Variants in NWD2 observed in about 807,000 individuals in gnomAD.
NWD2 encodes the protein NACHT and WD repeat domain-containing protein 2.
NWD2 carries 37 observed loss-of-function variants against 132.7 expected under a neutral mutation model. The ratio of observed to expected loss-of-function variants is 0.28; its 90% confidence interval spans 0.21 to 0.37. The LOEUF (loss-of-function observed/expected upper bound fraction) is 0.37, where lower values mean the gene tolerates loss of function less well. Ranked by LOEUF, NWD2 falls within the 10% of genes least tolerant of loss-of-function variation. The probability of loss-of-function intolerance (pLI) is 1.00; values close to 1 mark genes in which losing one functional copy is unlikely to be tolerated. For synonymous variants in NWD2, 705 were observed against 803.0 expected, an observed-to-expected ratio of 0.88 and a Z score of 2.06; for missense variants, 1,592 against 2,122.4, an observed-to-expected ratio of 0.75 and a Z score of 4.91.
intron 3 of NWD2, among the ~76,000 whole-genome samples, chr4:37,400,380 G>T (rs1449308341): frequency 6.6e-6 from 1 of 152,200 alleles, no homozygotes; most frequent in African/African-American, 2.4e-5. Context: ...CTGTTAACCA[G>T]CCTGCAGTGA....
intron 1 of NWD2, among the ~76,000 whole-genome samples, chr4:37,264,379 C>T (rs1717707096): frequency 6.6e-6 from 1 of 152,122 alleles, no homozygotes; most frequent in Admixed American, 6.6e-5. Flanking sequence ...CTACCTCCCT[C>T]CTGAAGTTGT....
At chr4:37,399,756 G>T (rs565926254) in intron 3 of NWD2, among the ~76,000 whole-genome samples, 9 of 152,304 alleles carry the variant, frequency 5.9e-5, no homozygotes, top group Admixed American at 3.3e-4. Flanking sequence ...ACTTGGGATT[G>T]TAATTTTATG....
At chr4:37,348,228 A>G (rs1318036150) in intron 2 of NWD2, among the ~76,000 whole-genome samples, 1 of 152,216 alleles carries the variant, frequency 6.6e-6, no homozygotes, top group Non-Finnish European at 1.5e-5. Context: ...CTAACTCTAA[A>G]CAAGCCTAGT....
Position 37,444,239 on chromosome 4 carries a change from G to T in NWD2, c.2251G>T (p.Asp751Tyr). Residue 751 changes from aspartate to tyrosine, a missense_variant, in exon 7 of 7, where the codon GAC becomes TAC. Asp to Tyr is a radical substitution (Grantham distance 160). Transcript: ENST00000309447. The surrounding 1 kb of genome is among the most constrained non-coding windows in gnomAD (Gnocchi z 4.8). ...GAAGCTATATCTGCAGGATGACAATGACCTGCGTGAAATGCACACCATCTT... is the reference window on the plus strand; with the variant it reads ...GAAGCTATATCTGCAGGATGACAATTACCTGCGTGAAATGCACACCATCTT... ...AQKLYLQDDN[D>Y]LREMHTILAD... 3 of 1,551,656 alleles carry T rather than the reference G, an allele frequency of 1.9e-6. No homozygotes were observed. Among genetic ancestry groups the T allele is most frequent in the South Asian group, 1.2e-5 (1 of 84,036 alleles).
chr4:37,428,933 T>C (rs1328436021), intron 3 of NWD2, among the ~76,000 whole-genome samples: 3 of 152,260 alleles, frequency 2.0e-5, no homozygotes, highest in Non-Finnish European at 2.9e-5. Flanking sequence ...GGTTTAACCA[T>C]GTTGGCCAGG....
intron 1 of NWD2, among the ~76,000 whole-genome samples, chr4:37,294,022 A>G (rs1281513110): frequency 6.6e-6 from 1 of 152,228 alleles, no homozygotes; most frequent in African/African-American, 2.4e-5. Context: ...GTAAGAAGAC[A>G]GACAAGAGGT....
chr4:37,261,100 C>A (rs9992443), intron 1 of NWD2, among the ~76,000 whole-genome samples: 1 of 152,164 alleles, frequency 6.6e-6, no homozygotes, highest in Admixed American at 6.5e-5. Flanking sequence ...TTAACACATG[C>A]TTGGCACAAT....
At chr4:37,438,248 G>A (rs1023877377) in intron 5 of NWD2, among the ~76,000 whole-genome samples, 5 of 149,674 alleles carry the variant, frequency 3.3e-5, no homozygotes, top group South Asian at 2.1e-4. Context: ...GCGACAGAGC[G>A]AGACTCCGTC....
At chr4:37,356,864 T>C (rs958957073) in intron 3 of NWD2, among the ~76,000 whole-genome samples, 7 of 152,224 alleles carry the variant, frequency 4.6e-5, no homozygotes, top group Admixed American at 2.0e-4. Context: ...CGCTAGAATT[T>C]CTGGCATTTT....
chr4:37,268,520 C>T (rs1164357908), intron 1 of NWD2, among the ~76,000 whole-genome samples: 1 of 151,888 alleles, frequency 6.6e-6, no homozygotes, highest in Non-Finnish European at 1.5e-5. Context: ...GCACCATGGA[C>T]AGTGCCTTGC....
intron 3 of NWD2, among the ~76,000 whole-genome samples, chr4:37,429,193 T>G (rs1353361346): frequency 6.6e-6 from 1 of 152,228 alleles, no homozygotes; most frequent in African/African-American, 2.4e-5. Context: ...AACCTTGCTT[T>G]GTATTTTTAT....
In NWD2 at chr4:37,371,608, C is replaced by A. The variant is rs116840488; in HGVS notation, c.357+15126C>A. Among the ~76,000 whole-genome samples, 1,421 of 152,296 alleles carry A rather than the reference C, an allele frequency of 9.3e-3. 11 individuals are homozygous for A. Among genetic ancestry groups the A allele is most frequent in the Non-Finnish European group, 0.015 (1,021 of 68,022 alleles). ...GAGGCAAGAGGCTTCCTTGTTCTTA[C>A]TTCATCATGTGTAATCAATAATTAT... On this transcript the variant is annotated intron_variant, in intron 3 of 6. Coordinates refer to ENST00000309447, the MANE Select transcript of NWD2 (RefSeq NM_001144990.2).
At chr4:37,328,632 T>C (rs1025297943) in intron 2 of NWD2, among the ~76,000 whole-genome samples, 3 of 151,512 alleles carry the variant, frequency 2.0e-5, no homozygotes, top group Admixed American at 6.6e-5. Context: ...GTTTTCTTTA[T>C]CCAGTCTGTC....
intron 3 of NWD2, among the ~76,000 whole-genome samples, chr4:37,376,625 C>G (rs888445549): frequency 6.6e-6 from 1 of 152,138 alleles, no homozygotes; most frequent in Non-Finnish European, 1.5e-5. Flanking sequence ...TCCTACAAAC[C>G]TTAATCTCAT....
At chr4:37,262,209 A>T (rs1653062734) in intron 1 of NWD2, among the ~76,000 whole-genome samples, 1 of 152,182 alleles carries the variant, frequency 6.6e-6, no homozygotes, top group Admixed American at 6.5e-5. Context: ...ATCTCATTGT[A>T]ATTCATAGAA....
intron 3 of NWD2, among the ~76,000 whole-genome samples, chr4:37,406,679 C>A (rs548724453): frequency 2.9e-4 from 44 of 152,222 alleles, no homozygotes; most frequent in African/African-American, 1.0e-3. Flanking sequence ...GAGTGGATTA[C>A]CTGAGGTCAC....
intron 3 of NWD2, among the ~76,000 whole-genome samples, chr4:37,370,658 G>A (rs2109305299): frequency 6.6e-6 from 1 of 152,254 alleles, no homozygotes; most frequent in South Asian, 2.1e-4. Flanking sequence ...ATTGCCTATA[G>A]CAGTCTCAGT....
chr4:37,316,598 CT>C (rs1168927132), intron 1 of NWD2, among the ~76,000 whole-genome samples: 3 of 152,058 alleles, frequency 2.0e-5, no homozygotes, highest in African/African-American at 7.2e-5. Context: ...CTGGGACTCA[CT>C]TTACATAGAT....
At chr4:37,372,591 A>G (rs1268758448) in intron 3 of NWD2, among the ~76,000 whole-genome samples, 1 of 152,212 alleles carries the variant, frequency 6.6e-6, no homozygotes, top group Non-Finnish European at 1.5e-5. Context: ...TTCCATTTGG[A>G]ATATTGGCCG....
Sources: gnomAD v4.1 joint callset for allele counts (sites outside exome capture counted in the v4.1 genomes callset) on GRCh38, gnomAD v4.1.1 for gene constraint, Gnocchi (gnomAD v3.1) non-coding constraint, MANE v1.5 for transcripts, NCBI Gene and HGNC (gene_info 2026-07-23, HGNC 2026-07-21) for gene names.